Variants in RUFY4 observed in about 807,000 individuals in gnomAD.
The protein encoded by RUFY4 is RUN and FYVE domain containing 4, also known as RUN and FYVE domain-containing protein 4.
RUFY4 carries 73 observed loss-of-function variants against 69.0 expected under a neutral mutation model. The observed-to-expected ratio is 1.06, with a 90% CI of 0.88 to 1.29. The LOEUF is 1.29. Ranked by LOEUF, RUFY4 falls within the 50% of genes most tolerant of loss-of-function variation. The pLI is 0.00. For missense variants in RUFY4, 770 were observed against 705.6 expected, an observed-to-expected ratio of 1.09 and a Z score of -1.03; for synonymous variants, 287 against 271.8, an observed-to-expected ratio of 1.06 and a Z score of -0.55.
intron 9 of RUFY4, among the ~76,000 whole-genome samples, chr2:218,086,771 G>A (rs549063014): frequency 6.6e-6 from 1 of 152,230 alleles, no homozygotes; most frequent in Admixed American, 6.5e-5. Flanking sequence ...GAAGAAAAGG[G>A]AATTCCCAAG....
intron 6 of RUFY4, among the ~76,000 whole-genome samples, chr2:218,074,843 A>C (rs906385498): frequency 3.9e-5 from 6 of 152,158 alleles, no homozygotes; most frequent in South Asian, 2.1e-4. Context: ...AGGAGGGAGA[A>C]GGATGTGGGC....
At chr2:218,067,701 T>A (rs961336254), upstream of RUFY4, among the ~76,000 whole-genome samples, 9 of 151,990 alleles carry the variant, frequency 5.9e-5, no homozygotes, top group African/African-American at 2.2e-4. Flanking sequence ...CTCATCCCCA[T>A]CCCTGTCCCT....
In RUFY4 at chr2:218,055,116, G is replaced by A. The variant is rs1001335975; in HGVS notation, c.-1157-3479G>A. ...AAATAATAAGAAGAAGATACAAGGC[G>A]AAGCACATTGGCTCATGCCTGTAAT... On this transcript the variant is annotated intron_variant and NMD_transcript_variant, in intron 2 of 13. Transcript: ENST00000457754. Among the ~76,000 whole-genome samples the A allele has an allele frequency of 7.2e-5, 11 of 152,106 alleles. No individual in the cohort carries two copies. The East Asian group carries it at 1.3e-3, about 19-fold the overall frequency.
intron 2 of RUFY4, among the ~76,000 whole-genome samples, chr2:218,054,040 G>A (rs996465243): frequency 6.6e-6 from 1 of 152,200 alleles, no homozygotes; most frequent in African/African-American, 2.4e-5. Context: ...GATGGTCCTG[G>A]TGTGATGCTG....
At chr2:218,047,304 T>A (rs930856955) in intron 2 of RUFY4, among the ~76,000 whole-genome samples, 9 of 152,028 alleles carry the variant, frequency 5.9e-5, no homozygotes, top group African/African-American at 1.7e-4. Context: ...CATCACCGAG[T>A]TTTTTTAACT....
At chr2:218,074,260 G>A (rs1689570860) in intron 6 of RUFY4, among the ~76,000 whole-genome samples, 1 of 152,196 alleles carries the variant, frequency 6.6e-6, no homozygotes, top group Non-Finnish European at 1.5e-5. Context: ...TTCAGTTCAA[G>A]AAGTGACTAA....
At chr2:218,072,220 G>T (rs1689505190) in intron 2 of RUFY4, among the ~76,000 whole-genome samples, 154 bp from the exon 5 acceptor site, 1 of 152,196 alleles carries the variant, frequency 6.6e-6, no homozygotes, top group African/African-American at 2.4e-5. Flanking sequence ...CTTGCTCGTG[G>T]TCACACAGCC....
intron 2 of RUFY4, among the ~76,000 whole-genome samples, chr2:218,052,911 T>C (rs1188146013): frequency 6.6e-6 from 1 of 151,998 alleles, no homozygotes; most frequent in East Asian, 1.9e-4. Flanking sequence ...TCTGATTCAA[T>C]AAATGACTGT....
intron 2 of RUFY4, among the ~76,000 whole-genome samples, chr2:218,040,603 G>A (rs1167782774): frequency 6.6e-6 from 1 of 152,110 alleles, no homozygotes. Context: ...CTGGAGGCAG[G>A]TGAAGAGGAG....
intron 10 of RUFY4, 93 bp downstream of exon 12, chr2:218,089,455 G>A (rs565927729): frequency 9.4e-7 from 1 of 1,060,512 alleles, no homozygotes; most frequent in African/African-American, 1.6e-5. Flanking sequence ...AGGGACACAG[G>A]AACTGGGTGT....
chr2:218,053,817 A>G (rs938270512), intron 2 of RUFY4, among the ~76,000 whole-genome samples: 1 of 152,062 alleles, frequency 6.6e-6, no homozygotes, highest in Admixed American at 6.5e-5. Context: ...TAATTTTTGT[A>G]ATTTTTTTGT....
chr2:218,077,407 G>A (rs1023681548), intron 8 of RUFY4, among the ~76,000 whole-genome samples: 12 of 152,188 alleles, frequency 7.9e-5, no homozygotes, highest in Admixed American at 2.0e-4. Flanking sequence ...TAGAGACGAG[G>A]TCTCACTACA....
At chr2:218,089,703 G>A (rs1036440377) in intron 10 of RUFY4, 6 of 703,500 alleles carry the variant, frequency 8.5e-6, no homozygotes, top group Non-Finnish European at 1.6e-5. Flanking sequence ...GACCAGCCTT[G>A]GGAGAGAGGA....
upstream of RUFY4, among the ~76,000 whole-genome samples, chr2:218,066,386 G>A (rs13408045): frequency 0.28 from 42,350 of 151,494 alleles, 6,408 homozygotes; most frequent in East Asian, 0.38. Context: ...GTTTTGCCAT[G>A]TTGGTCTCGA....
At position 218,064,077 on chromosome 2, in the gene RUFY4, C is replaced by T. The variant is rs539371166; in HGVS notation, c.-1070-4518C>T. ...ACCCATAAGCACCCCACCCCAGCCC[C>T]GCTCCACCTGGCCACCAGATTCGCT... On this transcript the variant is annotated intron_variant and NMD_transcript_variant, in intron 3 of 13. Transcript: ENST00000457754. Among the ~76,000 whole-genome samples the T allele has an allele frequency of 9.2e-5, 14 of 152,260 alleles. No individual in the cohort carries two copies. In the South Asian group the frequency reaches 1.0e-3, roughly 11 times the overall value.
At chr2:218,073,731 G>C in intron 5 of RUFY4, 85 bp from the exon 8 acceptor site, 2 of 1,452,388 alleles carry the variant, frequency 1.4e-6, no homozygotes, top group South Asian at 1.2e-5. Context: ...GAATGCGCTA[G>C]TGGAAAGATG....
chr2:218,066,183 T>C (rs1181395913), upstream of RUFY4, among the ~76,000 whole-genome samples: 1 of 144,084 alleles, frequency 6.9e-6, no homozygotes, highest in Admixed American at 6.9e-5. Context: ...TTTTCTTTTT[T>C]TTTTTTTTTT....
intron 8 of RUFY4, 105 bp downstream of exon 10, chr2:218,076,638 A>AG: frequency 1.3e-6 from 2 of 1,497,464 alleles, no homozygotes; most frequent in Non-Finnish European, 1.8e-6. Context: ...CCCATGCACC[A>AG]GGCCCTGGAC....
At position 218,072,506 on chromosome 2, in the gene RUFY4, AG is replaced by A. The variant is rs1559432305; in HGVS notation, c.279+10del. On this transcript the variant is annotated splice_region_variant and intron_variant, in intron 3 of 10. Transcript: ENST00000344321. The stretch of plus-strand genomic sequence containing the variant: ...TGTCCGTTCCCAGGACAAGGTATCC[AG>A]GGCCAGGCAGCAAGAAGGCTGACGG... The A allele has an allele frequency of 5.9e-6, 9 of 1,536,330 alleles. No homozygotes were observed. In the East Asian group the frequency reaches 2.2e-4, roughly 37 times the overall value.
Sources: allele counts gnomAD v4.1 joint callset (sites outside exome capture counted in the v4.1 genomes callset), GRCh38; gene constraint gnomAD v4.1.1; transcripts MANE v1.5; gene names NCBI Gene and HGNC (gene_info 2026-07-23, HGNC 2026-07-21).